ZNF385D: variants seen among roughly 807,000 people sequenced by gnomAD.
The protein encoded by ZNF385D is zinc finger protein 659.
A neutral mutation model predicts 35.8 loss-of-function variants in ZNF385D; 15 were observed. The observed-to-expected ratio is 0.42, with a 90% CI of 0.28 to 0.64. The LOEUF (loss-of-function observed/expected upper bound fraction) is 0.64, where lower values mean the gene tolerates loss of function less well. ZNF385D is among the 30% of genes least tolerant of loss of function. The probability of loss-of-function intolerance (pLI) is 0.23; values close to 1 mark genes in which losing one functional copy is unlikely to be tolerated. For missense variants in ZNF385D, 474 were observed against 494.6 expected (o/e 0.96, Z 0.39); for synonymous variants, 212 against 186.8 (o/e 1.13, Z -1.10).
intron 1 of ZNF385D, among the ~76,000 whole-genome samples, chr3:21,693,882 CTTTTT>C (rs555946193): frequency 1.7e-5 from 2 of 118,392 alleles, no homozygotes; most frequent in Admixed American, 8.8e-5. Flanking sequence ...CTTTTTTTTT[CTTTTT>C]TTTTTTTTTT....
chr3:22,063,946 CCA>C (rs1161945015), intron 3 of ZNF385D, among the ~76,000 whole-genome samples: 2 of 152,186 alleles, frequency 1.3e-5, no homozygotes, highest in African/African-American at 4.8e-5. Flanking sequence ...TCCCTATAAC[CCA>C]CAGTTATTAA....
At chr3:21,711,733 G>A (rs548293024) in intron 1 of ZNF385D, among the ~76,000 whole-genome samples, 2 of 152,126 alleles carry the variant, frequency 1.3e-5, no homozygotes, top group Non-Finnish European at 2.9e-5. Context: ...GATATTAACA[G>A]GAAATAAACA....
intron 2 of ZNF385D, among the ~76,000 whole-genome samples, chr3:22,263,349 A>G (rs558147947): frequency 1.3e-5 from 2 of 151,520 alleles, no homozygotes; most frequent in South Asian, 4.2e-4. Context: ...TTCTTTCTGC[A>G]ATGATTTTGT....
intron 3 of ZNF385D, among the ~76,000 whole-genome samples, chr3:21,803,959 G>A (rs1272664267): frequency 1.3e-5 from 2 of 152,104 alleles, no homozygotes; most frequent in Admixed American, 6.5e-5. Context: ...ACTTTAATAG[G>A]AACATTGTAA....
intron 3 of ZNF385D, among the ~76,000 whole-genome samples, chr3:21,958,237 G>C (rs1268098942): frequency 6.6e-6 from 1 of 152,070 alleles, no homozygotes; most frequent in East Asian, 1.9e-4. Context: ...CATTTTGTGA[G>C]GTGATCACAT....
intron 2 of ZNF385D, among the ~76,000 whole-genome samples, chr3:21,632,874 C>T (rs1258220017): frequency 6.6e-6 from 1 of 152,050 alleles, no homozygotes. Flanking sequence ...GTATCTTAGT[C>T]AAATAACATA....
chr3:21,726,754 G>A (rs4858352), intron 1 of ZNF385D, among the ~76,000 whole-genome samples: 101,625 of 152,030 alleles, frequency 0.67, 34,060 homozygotes, highest in East Asian at 0.73. Flanking sequence ...GCCCGAAGTG[G>A]TTTATAGAGT....
chr3:21,746,273 C>G (rs184747850), intron 1 of ZNF385D, among the ~76,000 whole-genome samples: 31 of 152,296 alleles, frequency 2.0e-4, no homozygotes, highest in African/African-American at 6.5e-4. Context: ...ATAAGCATAC[C>G]TCATTTCCAT....
chr3:21,552,289 T>C (rs1423003917), intron 3 of ZNF385D, among the ~76,000 whole-genome samples: 2 of 152,212 alleles, frequency 1.3e-5, no homozygotes, highest in Non-Finnish European at 2.9e-5. Context: ...TATGGATCAA[T>C]TGATAAATCC....
At chr3:22,096,102 C>T (rs543107716) in intron 3 of ZNF385D, among the ~76,000 whole-genome samples, 154 of 150,606 alleles carry the variant, frequency 1.0e-3, no homozygotes, top group African/African-American at 3.4e-3. Context: ...AAATTGAGAA[C>T]GGAATGTTCA....
intron 3 of ZNF385D, among the ~76,000 whole-genome samples, chr3:22,166,090 T>C (rs1382201148): frequency 1.6e-5 from 2 of 127,060 alleles, no homozygotes; most frequent in African/African-American, 2.5e-5. Flanking sequence ...CATCCACATG[T>C]CCACCATCCT....
intron 1 of ZNF385D, among the ~76,000 whole-genome samples, chr3:21,705,047 A>G (rs1433298113): frequency 1.3e-5 from 2 of 152,228 alleles, no homozygotes; most frequent in African/African-American, 4.8e-5. Context: ...TTATCATTCA[A>G]GAATGTAGGG....
At chr3:22,204,931 G>A (rs1462295860) in intron 2 of ZNF385D, among the ~76,000 whole-genome samples, 3 of 150,346 alleles carry the variant, frequency 2.0e-5, no homozygotes, top group Non-Finnish European at 3.0e-5. Flanking sequence ...GAGAGAGCCT[G>A]GGGTAGAAAG....
At chr3:21,529,554 T>G (rs2061872284) in intron 3 of ZNF385D, among the ~76,000 whole-genome samples, 1 of 152,164 alleles carries the variant, frequency 6.6e-6, no homozygotes, top group African/African-American at 2.4e-5. Context: ...GTGATTATTT[T>G]TTTTCCATCT....
intron 3 of ZNF385D, among the ~76,000 whole-genome samples, chr3:22,003,887 G>GA (rs200930536): frequency 0.014 from 2,025 of 148,480 alleles, 37 homozygotes; most frequent in African/African-American, 0.045. Flanking sequence ...AAAAAAGAAA[G>GA]AAAAAAAAAT....
chr3:21,812,177 G>A (rs1011009301), intron 3 of ZNF385D, among the ~76,000 whole-genome samples: 1 of 152,202 alleles, frequency 6.6e-6, no homozygotes, highest in African/African-American at 2.4e-5. Flanking sequence ...AAAAAAATAG[G>A]AAGGGGAAGA....
At chr3:21,840,010 T>C (rs190634078) in intron 3 of ZNF385D, among the ~76,000 whole-genome samples, 17 of 152,218 alleles carry the variant, frequency 1.1e-4, no homozygotes, top group Admixed American at 1.0e-3. Context: ...TAGGTAATTA[T>C]TTTTCAACGT....
chr3:22,135,938 T>C (rs1704073491), intron 3 of ZNF385D, among the ~76,000 whole-genome samples: 2 of 152,152 alleles, frequency 1.3e-5, no homozygotes, highest in South Asian at 2.1e-4. Context: ...GCAAAAATAA[T>C]AACTTTAACC....
At chr3:21,880,647 T>C (rs1698230149) in intron 3 of ZNF385D, among the ~76,000 whole-genome samples, 1 of 151,934 alleles carries the variant, frequency 6.6e-6, no homozygotes, top group Non-Finnish European at 1.5e-5. Flanking sequence ...AGTGTTCAAA[T>C]GAAAAGAAGA....
Sources: allele counts gnomAD v4.1 joint callset (sites outside exome capture counted in the v4.1 genomes callset), GRCh38; gene constraint gnomAD v4.1.1; transcripts MANE v1.5; gene names NCBI Gene and HGNC (gene_info 2026-07-23, HGNC 2026-07-21).